Variants in KLF8 observed in about 807,000 individuals in gnomAD.
The protein encoded by KLF8 is Krueppel-like factor 8.
KLF8 carries 10 observed loss-of-function variants against 18.2 expected under a neutral mutation model. That is an observed-to-expected ratio of 0.55 (90% CI 0.34 to 0.93). The LOEUF (loss-of-function observed/expected upper bound fraction) is 0.93. Ranked by LOEUF, KLF8 falls within the 40% of genes least tolerant of loss-of-function variation. KLF8 has a pLI of 0.02. For synonymous variants in KLF8, 109 were observed against 97.3 expected (o/e 1.12, Z -0.71); for missense variants, 264 against 277.9 (o/e 0.95, Z 0.36).
the KLF8 span, among the ~76,000 whole-genome samples, chrX:56,076,395 A>AT: frequency 9.9e-6 from 1 of 100,824 alleles, no homozygotes; most frequent in East Asian, 3.2e-4. Flanking sequence ...GCGGTGTTTG[A>AT]TTTTTTGTTC....
the KLF8 span, among the ~76,000 whole-genome samples, chrX:55,911,565 C>T: frequency 2.7e-5 from 3 of 111,579 alleles, no homozygotes; most frequent in East Asian, 2.8e-4. Context: ...CTGTGCTTCC[C>T]CCAAGTCCTT....
At chrX:56,015,731 G>A in the KLF8 span, among the ~76,000 whole-genome samples, 3 of 111,784 alleles carry the variant, frequency 2.7e-5, no homozygotes, top group Admixed American at 2.9e-4. Flanking sequence ...AAAGAGTTAA[G>A]AGGTTGTTTT....
the KLF8 span, among the ~76,000 whole-genome samples, chrX:56,096,625 C>T: frequency 1.8e-5 from 2 of 110,807 alleles, no homozygotes; most frequent in Non-Finnish European, 3.8e-5. Flanking sequence ...GAAAATAGAA[C>T]AAATTACATT....
At chrX:55,946,431 A>G in the KLF8 span, among the ~76,000 whole-genome samples, 3 of 111,967 alleles carry the variant, frequency 2.7e-5, no homozygotes, top group Admixed American at 9.5e-5. Context: ...CTGGCTAGCC[A>G]TATGTGGAAA....
chrX:56,126,157 C>T, the KLF8 span, among the ~76,000 whole-genome samples: 1 of 111,706 alleles, frequency 9.0e-6, no homozygotes, highest in African/African-American at 3.3e-5. Flanking sequence ...CAATGGCTAT[C>T]ACCAACCTTT....
the KLF8 span, among the ~76,000 whole-genome samples, chrX:56,153,356 G>GAAAA: frequency 1.0e-5 from 1 of 99,096 alleles, no homozygotes; most frequent in African/African-American, 3.6e-5. Flanking sequence ...CTCATCTCAA[G>GAAAA]AAAAAAAAAA....
At chrX:56,229,012 C>T (rs2147543212), upstream of KLF8, among the ~76,000 whole-genome samples, 1 of 111,475 alleles carries the variant, frequency 9.0e-6, no homozygotes, top group Admixed American at 9.5e-5. Context: ...CACCCTTCCT[C>T]ACTTTGCCCT....
the KLF8 span, among the ~76,000 whole-genome samples, chrX:56,036,940 CCTT>C: frequency 9.1e-6 from 1 of 109,804 alleles, no homozygotes; most frequent in Non-Finnish European, 1.9e-5. Context: ...AATGTGACTG[CCTT>C]CTTGATTTTT....
At chrX:56,133,474 A>T in the KLF8 span, among the ~76,000 whole-genome samples, 3 of 111,937 alleles carry the variant, frequency 2.7e-5, no homozygotes, top group East Asian at 8.4e-4. Flanking sequence ...TTCCTTTAAG[A>T]TTAAAACCCT....
chrX:55,966,369 G>T, the KLF8 span, among the ~76,000 whole-genome samples: 1 of 112,320 alleles, frequency 8.9e-6, no homozygotes, highest in Non-Finnish European at 1.9e-5. Context: ...TAGCTACATG[G>T]GTGCATGTGT....
chrX:56,189,152 A>G, the KLF8 span, among the ~76,000 whole-genome samples: 1 of 111,867 alleles, frequency 8.9e-6, no homozygotes, highest in Non-Finnish European at 1.9e-5. Context: ...AGAATCTACA[A>G]GAACTCCAAT....
chrX:55,910,008 G>T, the KLF8 span, among the ~76,000 whole-genome samples: 1 of 111,614 alleles, frequency 9.0e-6, no homozygotes, highest in Non-Finnish European at 1.9e-5. Context: ...ATACTCCACA[G>T]GTCGAAGAGA....
At chrX:56,191,014 C>G in the KLF8 span, among the ~76,000 whole-genome samples, 1 of 110,960 alleles carries the variant, frequency 9.0e-6, no homozygotes, top group South Asian at 3.7e-4. Context: ...AAAGGATCAA[C>G]TACACAAAAA....
the KLF8 span, among the ~76,000 whole-genome samples, chrX:56,022,296 C>T: frequency 1.8e-5 from 2 of 110,329 alleles, no homozygotes; most frequent in Non-Finnish European, 3.8e-5. Flanking sequence ...CCTGTAATCC[C>T]AGCACTTTGG....
the KLF8 span, among the ~76,000 whole-genome samples, chrX:55,949,664 G>A: frequency 2.7e-5 from 3 of 109,279 alleles, no homozygotes; most frequent in Non-Finnish European, 5.7e-5. Flanking sequence ...GGTGGTGGGC[G>A]CCTGTAGTCC....
intron 1 of KLF8, chrX:56,243,229 T>C (rs1253263025): frequency 4.4e-6 from 2 of 457,504 alleles, no homozygotes; most frequent in Non-Finnish European, 8.1e-6. Flanking sequence ...TCCGAGGATA[T>C]TTGGGCTGCC....
At chrX:56,047,589 A>G in the KLF8 span, among the ~76,000 whole-genome samples, 1 of 110,990 alleles carries the variant, frequency 9.0e-6, no homozygotes, top group Non-Finnish European at 1.9e-5. Context: ...TACAAAGGAC[A>G]TGAACTCATC....
the KLF8 span, among the ~76,000 whole-genome samples, chrX:56,132,252 A>G: frequency 2.7e-5 from 3 of 111,978 alleles, no homozygotes; most frequent in East Asian, 5.6e-4. Context: ...AATAAGTCTC[A>G]TTAAATTTAA....
chrX:55,968,991 C>A, the KLF8 span, among the ~76,000 whole-genome samples: 1 of 111,323 alleles, frequency 9.0e-6, no homozygotes, highest in Non-Finnish European at 1.9e-5. Context: ...AGAGAGATGC[C>A]AATACAATAA....
Sources: allele counts gnomAD v4.1 joint callset (sites outside exome capture counted in the v4.1 genomes callset), GRCh38; gene constraint gnomAD v4.1.1; transcripts MANE v1.5; gene names NCBI Gene and HGNC (gene_info 2026-07-23, HGNC 2026-07-21).